OTC: variants seen among roughly 807,000 people sequenced by gnomAD.
The protein encoded by OTC is ornithine transcarbamylase, mitochondrial.
A neutral mutation model predicts 30.3 loss-of-function variants in OTC; 3 were observed. The ratio of observed to expected loss-of-function variants is 0.10; its 90% CI spans 0.05 to 0.26. The LOEUF (loss-of-function observed/expected upper bound fraction) is 0.26. Among genes scored for constraint, OTC ranks in the 10% least tolerant of loss-of-function variants. The pLI, the probability that OTC is intolerant of heterozygous loss-of-function variation, is 1.00. For synonymous variants in OTC, 111 were observed against 99.7 expected, an observed-to-expected ratio of 1.11 and a Z score of -0.67; for missense variants, 194 against 260.3, an observed-to-expected ratio of 0.75 and a Z score of 1.75.
At chrX:38,330,936 T>C in the OTC span, among the ~76,000 whole-genome samples, 1 of 111,839 alleles carries the variant, frequency 8.9e-6, no homozygotes, top group South Asian at 3.8e-4. Flanking sequence ...AAGCACTACC[T>C]CTCTTTGGCC....
chrX:38,414,248 G>A (rs1377568485), intron 9 of OTC, among the ~76,000 whole-genome samples: 1 of 112,271 alleles, frequency 8.9e-6, no homozygotes, highest in Non-Finnish European at 1.9e-5. Context: ...TTATGGAGAT[G>A]CTCTGAACTT....
chrX:38,405,851 C>T (rs1037805941), intron 6 of OTC, among the ~76,000 whole-genome samples: 3 of 111,914 alleles, frequency 2.7e-5, no homozygotes, highest in Non-Finnish European at 5.6e-5. Flanking sequence ...TGAAGAAAGG[C>T]TCTGTATTAA....
chrX:38,354,627 T>C (rs1448471927), intron 1 of OTC, among the ~76,000 whole-genome samples: 1 of 111,019 alleles, frequency 9.0e-6, no homozygotes, highest in African/African-American at 3.3e-5. Flanking sequence ...TTTCTCACAG[T>C]GAATGGGGGC....
the OTC span, among the ~76,000 whole-genome samples, chrX:38,344,161 C>A: frequency 9.3e-6 from 1 of 108,034 alleles, no homozygotes; most frequent in Non-Finnish European, 1.9e-5. Context: ...AACAAACAAA[C>A]AAAAAACATA....
intron 6 of OTC, among the ~76,000 whole-genome samples, chrX:38,407,873 T>TAGAGGGTA (rs2068522862): frequency 9.1e-6 from 1 of 109,880 alleles, no homozygotes; most frequent in Non-Finnish European, 1.9e-5. Flanking sequence ...GGTTGGAGAG[T>TAGAGGGTA]GAGGGTAGAG....
intron 9 of OTC, among the ~76,000 whole-genome samples, chrX:38,419,288 C>G (rs761941124): frequency 6.0e-4 from 67 of 111,744 alleles, no homozygotes; most frequent in Non-Finnish European, 1.1e-3. Context: ...CAGCTTTCTT[C>G]CTTTTGTTCA....
At chrX:38,394,212 C>T (rs893865067) in intron 4 of OTC, among the ~76,000 whole-genome samples, 1 of 112,519 alleles carries the variant, frequency 8.9e-6, no homozygotes, top group Non-Finnish European at 1.9e-5. Context: ...CACATATACA[C>T]AATGTATTTT....
chrX:38,404,043 C>A (rs1420423849), intron 6 of OTC, among the ~76,000 whole-genome samples: 1 of 112,256 alleles, frequency 8.9e-6, no homozygotes, highest in African/African-American at 3.2e-5. Flanking sequence ...TGGCATTGTG[C>A]ATTACCACCA....
the OTC span, among the ~76,000 whole-genome samples, chrX:38,333,415 A>G: frequency 9.1e-6 from 1 of 110,156 alleles, no homozygotes. Flanking sequence ...AGATGGTTTA[A>G]GCCTGTGGAG....
intron 4 of OTC, among the ~76,000 whole-genome samples, chrX:38,386,112 T>C (rs939345792): frequency 1.3e-4 from 14 of 105,263 alleles, no homozygotes; most frequent in African/African-American, 4.5e-4. Context: ...CAGTGGCTCA[T>C]GCCTGTAATC....
intron 3 of OTC, among the ~76,000 whole-genome samples, chrX:38,379,249 C>A (rs749095941): frequency 8.9e-6 from 1 of 111,931 alleles, no homozygotes; most frequent in South Asian, 3.7e-4. Flanking sequence ...GTCATTCTGT[C>A]TCTGTAGATC....
At chrX:38,360,346 A>G (rs757331688) in intron 1 of OTC, among the ~76,000 whole-genome samples, 2 of 112,081 alleles carry the variant, frequency 1.8e-5, no homozygotes, top group Non-Finnish European at 3.8e-5. Context: ...CACCGGGTAT[A>G]TATTAGTGAA....
At chrX:38,368,355 C>T (rs1457634484) in intron 2 of OTC, among the ~76,000 whole-genome samples, 1 of 111,041 alleles carries the variant, frequency 9.0e-6, no homozygotes, top group Non-Finnish European at 1.9e-5. Context: ...AGTGAAACTC[C>T]ATCTGCAAAA....
intron 4 of OTC, among the ~76,000 whole-genome samples, chrX:38,383,815 C>G (rs375206951): frequency 1.5e-5 from 1 of 65,260 alleles, no homozygotes; most frequent in East Asian, 4.7e-4. Flanking sequence ...AAAGAAAAGA[C>G]AAAAAAAAAA....
At chrX:38,391,407 T>C (rs1248375143) in intron 4 of OTC, among the ~76,000 whole-genome samples, 2 of 111,305 alleles carry the variant, frequency 1.8e-5, no homozygotes, top group Non-Finnish European at 3.8e-5. Context: ...AAGTACCCAG[T>C]ACTAAGGCAC....
chrX:38,416,698 A>G (rs1218775129), intron 9 of OTC, among the ~76,000 whole-genome samples: 1 of 112,334 alleles, frequency 8.9e-6, no homozygotes, highest in Non-Finnish European at 1.9e-5. Context: ...CTCATGTACT[A>G]TTTAGAACAT....
At chrX:38,358,912 G>A (rs1056328658) in intron 1 of OTC, among the ~76,000 whole-genome samples, 2 of 110,305 alleles carry the variant, frequency 1.8e-5, no homozygotes, top group African/African-American at 6.6e-5. Context: ...ATGAGCCACC[G>A]CACCCGGCCA....
Position 38,376,951 on chromosome X carries a change from A to G in OTC, c.299-4391A>G, listed in dbSNP as rs745442727. Among the ~76,000 whole-genome samples, 3 of 112,225 alleles carry G rather than the reference A, an allele frequency of 2.7e-5. No individual in the cohort carries two copies. In the East Asian group the frequency reaches 8.4e-4, roughly 31 times the overall value. On this transcript the variant is annotated intron_variant, in intron 3 of 9. Coordinates refer to ENST00000039007, the MANE Select transcript of OTC (RefSeq NM_000531.6). The stretch of plus-strand genomic sequence containing the variant: ...TAATCCAGACTGAAAATCAACAAAG[A>G]AACATTAGACTTAATCTGCACTGTA...
chrX:38,403,803 C>A (rs1359495289), intron 6 of OTC, 63 bp downstream of exon 6: 8 of 1,139,257 alleles, frequency 7.0e-6, no homozygotes, highest in Non-Finnish European at 9.6e-6. Flanking sequence ...TGCAATTACC[C>A]AGTGACAAAA....
Sources: gnomAD v4.1 joint callset for allele counts (sites outside exome capture counted in the v4.1 genomes callset) on GRCh38, gnomAD v4.1.1 for gene constraint, MANE v1.5 for transcripts, NCBI Gene and HGNC (gene_info 2026-07-23, HGNC 2026-07-21) for gene names.